KIF26B: variants seen among roughly 807,000 people sequenced by gnomAD.
The protein encoded by KIF26B is kinesin family member 26B, also known as kinesin-like protein KIF26B.
Under a neutral mutation model 151.2 loss-of-function variants are expected in KIF26B, and 63 were observed. The observed-to-expected ratio is 0.42, with a 90% CI of 0.34 to 0.51. KIF26B has a LOEUF of 0.51. Among genes scored for constraint, KIF26B ranks in the 20% least tolerant of loss-of-function variants. The pLI is 0.07. For missense variants in KIF26B, 2,813 were observed against 2,913.6 expected (o/e 0.97, Z 0.79); for synonymous variants, 1,357 against 1,262.1 (o/e 1.08, Z -1.59).
intron 4 of KIF26B, among the ~76,000 whole-genome samples, chr1:245,431,728 T>C (rs989829440): frequency 1.3e-5 from 2 of 151,902 alleles, no homozygotes; most frequent in African/African-American, 4.8e-5. Context: ...CCACCCACCT[T>C]GGCCTCCCAA....
chr1:245,349,657 T>C (rs896493511), intron 2 of KIF26B, among the ~76,000 whole-genome samples: 1 of 151,688 alleles, frequency 6.6e-6, no homozygotes, highest in African/African-American at 2.4e-5. Flanking sequence ...ACTGGCTTAA[T>C]GAATTAGGTT....
At chr1:245,383,257 C>G (rs1673458464) in intron 3 of KIF26B, among the ~76,000 whole-genome samples, 1 of 152,162 alleles carries the variant, frequency 6.6e-6, no homozygotes, top group African/African-American at 2.4e-5. Flanking sequence ...AGGCATCCCT[C>G]ACGTCTGAAC....
intron 4 of KIF26B, among the ~76,000 whole-genome samples, chr1:245,470,682 G>T (rs987861182): frequency 1.3e-5 from 2 of 151,710 alleles, no homozygotes; most frequent in Non-Finnish European, 1.5e-5. Flanking sequence ...TGCCCGCCTC[G>T]GCCTCCCAAA....
Position 245,687,901 on chromosome 1 carries a change from G to T in KIF26B, c.4918G>T (p.Glu1640Ter). Reference sequence around the variant, plus strand: ...CGCCTTCCCGGCGGGCCTCCCAGACGAGCCTAGCGGCAAGACGAAGGACGC... The same window carrying T: ...CGCCTTCCCGGCGGGCCTCCCAGACTAGCCTAGCGGCAAGACGAAGGACGC... The part of the protein sequence containing the change: ...PAAFPAGLPD[E>*]PSGKTKDASS... The change falls in exon 12 of 15, where the codon GAG becomes TAG. Residue 1640 changes from glutamate (E) to a stop codon, truncating the protein, a stop_gained. Coordinates refer to ENST00000407071, the MANE Select transcript of KIF26B (RefSeq NM_018012.4). LOFTEE classifies it high-confidence loss of function. This position sits in a 1 kb window ranked among gnomAD's most constrained non-coding sequence, Gnocchi z 4.9. 6.3e-7 allele frequency: 1 copy of T among 1,591,184 alleles called. No homozygotes were observed. Among genetic ancestry groups the T allele is most frequent in the Non-Finnish European group, 8.5e-7 (1 of 1,170,766 alleles).
intron 4 of KIF26B, among the ~76,000 whole-genome samples, chr1:245,521,054 C>T (rs1248884449): frequency 2.0e-5 from 3 of 152,084 alleles, no homozygotes; most frequent in Non-Finnish European, 4.4e-5. Context: ...AAGCAATAAA[C>T]AGGCTGGGCG....
chr1:245,560,466 C>T lies in KIF26B; in HGVS notation c.1350+19516C>T, dbSNP rs150988990. 5.9e-5 allele frequency among the ~76,000 whole-genome samples: 9 copies of T among 152,034 alleles called. No homozygotes were observed. The highest frequency in any genetic ancestry group is 1.9e-4 in the East Asian group (1 of 5,168). On this transcript the variant is annotated intron_variant, in intron 5 of 14. Coordinates refer to ENST00000407071, the MANE Select transcript of KIF26B (RefSeq NM_018012.4). The surrounding 1 kb of genome is among the most constrained non-coding windows in gnomAD (Gnocchi z 4.3). Reference sequence around the variant, plus strand: ...TTTAATTCTGCCATGACATTTGTGGCGGTTGTTTTAAGATTCAGAGATTAC... The same window carrying T: ...TTTAATTCTGCCATGACATTTGTGGTGGTTGTTTTAAGATTCAGAGATTAC...
At chr1:245,275,572 T>C (rs939097623) in intron 2 of KIF26B, among the ~76,000 whole-genome samples, 3 of 152,198 alleles carry the variant, frequency 2.0e-5, no homozygotes, top group African/African-American at 7.2e-5. Context: ...CCAACACCAT[T>C]TATTAAATAG....
chr1:245,522,776 T>C (rs1661157640), intron 4 of KIF26B, among the ~76,000 whole-genome samples: 1 of 152,092 alleles, frequency 6.6e-6, no homozygotes, highest in African/African-American at 2.4e-5. Context: ...CTACAGCCAG[T>C]TGTGGTGTCG....
At chr1:245,689,568 TC>T (rs1456217565) in intron 12 of KIF26B, among the ~76,000 whole-genome samples, 1 of 152,224 alleles carries the variant, frequency 6.6e-6, no homozygotes, top group Non-Finnish European at 1.5e-5. Flanking sequence ...TTTCTTTTTT[TC>T]CTTTTTTTGA....
At chr1:245,574,900 G>A (rs1326064389) in intron 5 of KIF26B, among the ~76,000 whole-genome samples, 2 of 107,944 alleles carry the variant, frequency 1.9e-5, no homozygotes, top group Non-Finnish European at 3.6e-5. Context: ...GTCTTGCTCT[G>A]TTGCCCAGGC....
chr1:245,690,594 G>A (rs904144908), intron 12 of KIF26B, among the ~76,000 whole-genome samples: 1 of 152,212 alleles, frequency 6.6e-6, no homozygotes, highest in African/African-American at 2.4e-5. Flanking sequence ...AAGGGATGGT[G>A]TAGTTATGCA....
At chr1:245,598,273 T>C (rs2043355307) in intron 5 of KIF26B, among the ~76,000 whole-genome samples, 1 of 152,018 alleles carries the variant, frequency 6.6e-6, no homozygotes, top group African/African-American at 2.4e-5. Context: ...ACAAAGTGAG[T>C]TGAAACAAAG....
chr1:245,645,551 G>A (rs1163179262), intron 9 of KIF26B, among the ~76,000 whole-genome samples: 4 of 152,172 alleles, frequency 2.6e-5, no homozygotes, highest in African/African-American at 9.6e-5. Context: ...GGAACTGAAC[G>A]AAACTGATGT....
chr1:245,432,041 A>G (rs1285837610), intron 4 of KIF26B, among the ~76,000 whole-genome samples: 2 of 151,788 alleles, frequency 1.3e-5, no homozygotes, highest in African/African-American at 2.4e-5. Flanking sequence ...CTTCCTTCAG[A>G]TCTTTGCTCA....
intron 12 of KIF26B, among the ~76,000 whole-genome samples, chr1:245,689,127 C>T (rs569422136): frequency 1.3e-5 from 2 of 152,346 alleles, no homozygotes; most frequent in East Asian, 3.9e-4. Flanking sequence ...CCTTGGCGCT[C>T]AGCAGGGTGG....
chr1:245,301,791 G>A (rs1671433039), intron 2 of KIF26B, among the ~76,000 whole-genome samples: 1 of 152,194 alleles, frequency 6.6e-6, no homozygotes. Context: ...GGATCTCAAA[G>A]AAATCCCTGG....
Position 245,612,105 on chromosome 1 carries a change from TGAGAGA to T in KIF26B, c.2098+150_2098+155del, listed in dbSNP as rs3047661. 280 of 312,458 alleles carry T rather than the reference TGAGAGA, an allele frequency of 9.0e-4. 1 individual carries two copies. The highest frequency in any genetic ancestry group is 2.4e-3 in the African/African-American group (71 of 29,364). The allele number at this position is 312,458 out of a possible 1,614,324, so 19.4% of individuals were successfully genotyped here. On this transcript the variant is annotated intron_variant, in intron 9 of 14. Transcript: ENST00000407071. ...GTGTGTGTGTGTGTGTGTGTGTGTGTGAGAGAGAGAGAGAGAGAGAGAGAGACAGGG... is the reference window on the plus strand; with the variant it reads ...GTGTGTGTGTGTGTGTGTGTGTGTGTGAGAGAGAGAGAGAGAGAGACAGGG...
At chr1:245,404,990 A>G (rs1370601091) in intron 3 of KIF26B, among the ~76,000 whole-genome samples, 1 of 152,264 alleles carries the variant, frequency 6.6e-6, no homozygotes, top group Non-Finnish European at 1.5e-5. Flanking sequence ...AGCATTCTTA[A>G]TGGTATTTTT....
At chr1:245,385,936 T>C (rs909459521) in intron 3 of KIF26B, among the ~76,000 whole-genome samples, 1 of 152,136 alleles carries the variant, frequency 6.6e-6, no homozygotes, top group African/African-American at 2.4e-5. Context: ...ATGGTGAGGC[T>C]GAGACTCTGG....
Sources: gnomAD v4.1 joint callset for allele counts (sites outside exome capture counted in the v4.1 genomes callset) on GRCh38, gnomAD v4.1.1 for gene constraint, Gnocchi (gnomAD v3.1) non-coding constraint, MANE v1.5 for transcripts, NCBI Gene and HGNC (gene_info 2026-07-23, HGNC 2026-07-21) for gene names.